The following PTPN13 variants were observed in gnomAD, a reference collection of about 807,000 sequenced individuals.
The protein encoded by PTPN13 is tyrosine-protein phosphatase non-receptor type 13.
PTPN13 carries 191 observed loss-of-function variants against 284.0 expected under a neutral mutation model. The observed-to-expected ratio is 0.67, with a 90% CI of 0.60 to 0.76. The LOEUF (loss-of-function observed/expected upper bound fraction) is 0.76, where lower values mean the gene tolerates loss of function less well. Ranked by LOEUF, PTPN13 falls within the 30% of genes least tolerant of loss-of-function variation. The pLI, the probability that PTPN13 is intolerant of heterozygous loss-of-function variation, is 0.00. For synonymous variants in PTPN13, 986 were observed against 1,022.3 expected, an observed-to-expected ratio of 0.96 and a Z score of 0.68; for missense variants, 2,797 against 2,939.9, an observed-to-expected ratio of 0.95 and a Z score of 1.12.
intron 3 of PTPN13, among the ~76,000 whole-genome samples, chr4:86,683,299 G>A (rs1457048288): frequency 6.6e-6 from 1 of 152,148 alleles, no homozygotes; most frequent in Non-Finnish European, 1.5e-5. Flanking sequence ...TGTAGTTCAA[G>A]TCTGAGTCCG....
intron 1 of PTPN13, among the ~76,000 whole-genome samples, chr4:86,629,271 T>A (rs891173774): frequency 1.4e-5 from 2 of 146,448 alleles, no homozygotes; most frequent in Admixed American, 1.4e-4. Flanking sequence ...AACAACCCCA[T>A]CAAAAAGTGG....
intron 9 of PTPN13, among the ~76,000 whole-genome samples, chr4:86,718,078 T>G (rs1427142264): frequency 6.6e-6 from 1 of 152,166 alleles, no homozygotes; most frequent in East Asian, 1.9e-4. Context: ...AAGTCAATAG[T>G]GATGTGTGTC....
intron 3 of PTPN13, among the ~76,000 whole-genome samples, chr4:86,681,373 T>G (rs1013432814): frequency 1.3e-5 from 2 of 152,174 alleles, no homozygotes; most frequent in African/African-American, 2.4e-5. Context: ...TGACAATATC[T>G]GGAGACAATT....
chr4:86,778,292 A>G (rs928004104), intron 35 of PTPN13, among the ~76,000 whole-genome samples: 4 of 152,214 alleles, frequency 2.6e-5, no homozygotes, highest in African/African-American at 7.2e-5. Flanking sequence ...CAAGCTAATA[A>G]GCTAGCCTGT....
At position 86,700,700 on chromosome 4, in the gene PTPN13, A is replaced by G. The variant is rs991530828; in HGVS notation, c.635-541A>G. Among the ~76,000 whole-genome samples, 3 of 152,346 alleles carry G rather than the reference A, an allele frequency of 2.0e-5. No homozygotes were observed. In the East Asian group the frequency reaches 5.8e-4, roughly 29 times the overall value. On this transcript the variant is annotated intron_variant, in intron 6 of 47. Transcript: ENST00000411767. The stretch of plus-strand genomic sequence containing the variant: ...AAGTTTTCTGAAAACATGTCTAATT[A>G]TAATAAAATCTTGATACTTAAGAAT...
intron 12 of PTPN13, among the ~76,000 whole-genome samples, chr4:86,733,321 T>G (rs1297909168): frequency 3.9e-5 from 6 of 152,102 alleles, no homozygotes; most frequent in Admixed American, 2.0e-4. Context: ...AGAGTTGCCA[T>G]AGCAGTAAGA....
intron 2 of PTPN13, among the ~76,000 whole-genome samples, chr4:86,669,886 T>C (rs1727542635): frequency 6.6e-6 from 1 of 152,118 alleles, no homozygotes; most frequent in South Asian, 2.1e-4. Context: ...AATCTGGAAT[T>C]AGCCATGACA....
At position 86,805,327 on chromosome 4, in the gene PTPN13, A is replaced by G; in HGVS notation, c.6703A>G (p.Lys2235Glu). The change falls in exon 44 of 48, where the codon AAG becomes GAG. Residue 2235 changes from lysine to glutamate, a missense_variant. Lys to Glu is a moderately conservative substitution (Grantham distance 56). Coordinates refer to ENST00000411767, the MANE Select transcript of PTPN13 (RefSeq NM_080683.3). ...PLDQCLIGQTKENRRKNRYKN... is the reference protein window; with the variant it reads ...PLDQCLIGQTEENRRKNRYKN... ...GGATCAGTGTCTAATTGGGCAAACT[A>G]AGGAAAACAGAAGGAAGAACAGATA... 14 of 1,603,120 alleles carry G rather than the reference A, an allele frequency of 8.7e-6. No individual in the cohort carries two copies. Among genetic ancestry groups the G allele is most frequent in the Non-Finnish European group, 1.2e-5 (14 of 1,172,098 alleles).
At chr4:86,697,373 T>C (rs1730690705) in intron 6 of PTPN13, among the ~76,000 whole-genome samples, 1 of 152,132 alleles carries the variant, frequency 6.6e-6, no homozygotes, top group South Asian at 2.1e-4. Context: ...AATTTGGGGA[T>C]AATGCCTTAT....
chr4:86,649,243 A>G (rs929871128), intron 2 of PTPN13, among the ~76,000 whole-genome samples: 1 of 152,016 alleles, frequency 6.6e-6, no homozygotes, highest in East Asian at 1.9e-4. Context: ...CAATTTTGCT[A>G]TGAACAAAAA....
intron 2 of PTPN13, among the ~76,000 whole-genome samples, chr4:86,653,259 T>C (rs1443603679): frequency 1.3e-5 from 2 of 152,140 alleles, no homozygotes; most frequent in African/African-American, 4.8e-5. Context: ...ATTTAGTCCA[T>C]TTGGTGAAGT....
At chr4:86,764,049 T>C (rs533154797) in intron 24 of PTPN13, among the ~76,000 whole-genome samples, 49 of 152,322 alleles carry the variant, frequency 3.2e-4, no homozygotes, top group Middle Eastern at 3.4e-3. Flanking sequence ...CTCTTATAAA[T>C]AGGGCTTAGC....
At chr4:86,775,401 C>T (rs1740519192) in intron 34 of PTPN13, 41 bp from the exon 35 acceptor site, 1 of 1,599,064 alleles carries the variant, frequency 6.3e-7, no homozygotes, top group African/African-American at 1.3e-5. Flanking sequence ...AGAGTAAGTA[C>T]TTTTATGACT....
intron 3 of PTPN13, among the ~76,000 whole-genome samples, chr4:86,678,663 T>A (rs1289596705): frequency 6.6e-6 from 1 of 152,206 alleles, no homozygotes; most frequent in African/African-American, 2.4e-5. Flanking sequence ...CCATTGTGTT[T>A]CCTGTAAATG....
At chr4:86,739,885 G>T (rs750658642) in intron 15 of PTPN13, among the ~76,000 whole-genome samples, 1 of 152,170 alleles carries the variant, frequency 6.6e-6, no homozygotes. Flanking sequence ...GGGCTATACA[G>T]GTCCCACGCA....
rs114661620 is a variant in PTPN13, at chr4:86,686,881, G to A, written c.360+106G>A. 1.7e-3 allele frequency: 1,317 copies of A among 771,058 alleles called. 10 individuals are homozygous for A. The African/African-American group carries it at 0.019, about 11-fold the overall frequency. 47.8% of individuals were successfully genotyped at this position (771,058 alleles called of 1,614,324 possible). ...ATACGTGTTCTACAGCATGCTGTCA[G>A]GTGTACCAACATTCCTATGGAGTTT... On this transcript the variant is annotated intron_variant, in intron 4 of 47. Coordinates refer to ENST00000411767, the MANE Select transcript of PTPN13 (RefSeq NM_080683.3).
intron 28 of PTPN13, among the ~76,000 whole-genome samples, chr4:86,769,014 C>A (rs1265169987): frequency 1.3e-5 from 2 of 152,022 alleles, no homozygotes; most frequent in African/African-American, 4.8e-5. Flanking sequence ...CCAGCCCCAT[C>A]ATTCTTTCTT....
At chr4:86,750,413 T>C in intron 17 of PTPN13, 57 bp from the exon 18 acceptor site, 1 of 1,409,918 alleles carries the variant, frequency 7.1e-7, no homozygotes, top group Non-Finnish European at 9.7e-7. Flanking sequence ...AACATAATTA[T>C]TCTCATAAAA....
intron 3 of PTPN13, among the ~76,000 whole-genome samples, chr4:86,684,614 T>C (rs1729241870): frequency 1.3e-5 from 2 of 152,198 alleles, no homozygotes; most frequent in Admixed American, 1.3e-4. Flanking sequence ...AGGGATATAT[T>C]AAAGTGTTGT....
Sources: allele counts gnomAD v4.1 joint callset (sites outside exome capture counted in the v4.1 genomes callset), GRCh38; gene constraint gnomAD v4.1.1; transcripts MANE v1.5; gene names NCBI Gene and HGNC (gene_info 2026-07-23, HGNC 2026-07-21).